The following FBXL18 variants were observed in gnomAD, a reference collection of about 807,000 sequenced individuals.
FBXL18 encodes F-box/LRR-repeat protein 18.
A neutral mutation model predicts 46.0 loss-of-function variants in FBXL18; 36 were observed. The ratio of observed to expected loss-of-function variants is 0.78; its 90% CI spans 0.60 to 1.03. The LOEUF is 1.03. Among genes scored for constraint, FBXL18 ranks in the 50% least tolerant of loss-of-function variants. The pLI, the probability that FBXL18 is intolerant of heterozygous loss-of-function variation, is 0.00. For missense variants in FBXL18, 977 were observed against 1,004.1 expected, an observed-to-expected ratio of 0.97 and a Z score of 0.36; for synonymous variants, 557 against 465.3, an observed-to-expected ratio of 1.20 and a Z score of -2.54.
At chr7:5,498,966 C>T (rs1208826558) in intron 3 of FBXL18, among the ~76,000 whole-genome samples, 4 of 152,206 alleles carry the variant, frequency 2.6e-5, no homozygotes, top group Admixed American at 6.5e-5. Context: ...ATACTAGGAA[C>T]GGACAAGAAC....
intron 1 of FBXL18, among the ~76,000 whole-genome samples, chr7:5,509,815 C>G (rs1047721446): frequency 6.6e-6 from 1 of 151,836 alleles, no homozygotes; most frequent in Non-Finnish European, 1.5e-5. Context: ...CCAGACAAGA[C>G]GAGAAACTGG....
chr7:5,484,381 G>A (rs1321997551), intron 4 of FBXL18, among the ~76,000 whole-genome samples: 1 of 149,916 alleles, frequency 6.7e-6, no homozygotes, highest in East Asian at 2.0e-4. Flanking sequence ...TGCGGCAGGA[G>A]AATGGCATGA....
intron 1 of FBXL18, 146 bp downstream of exon 1, chr7:5,513,511 G>T: frequency 1.1e-6 from 1 of 918,508 alleles, no homozygotes; most frequent in Non-Finnish European, 1.8e-6. Flanking sequence ...GGGAGCAGGG[G>T]CAAGGCCAGG....
chr7:5,503,672 T>A (rs561946497), intron 2 of FBXL18, among the ~76,000 whole-genome samples: 1 of 151,828 alleles, frequency 6.6e-6, no homozygotes, highest in African/African-American at 2.4e-5. Flanking sequence ...AAAATTAAAT[T>A]AAAAAAATGC....
At chr7:5,467,784 TAGAG>T (rs1783364550) in intron 4 of FBXL18, among the ~76,000 whole-genome samples, 1 of 152,024 alleles carries the variant, frequency 6.6e-6, no homozygotes, top group African/African-American at 2.4e-5. Flanking sequence ...ATCCTAAAGA[TAGAG>T]AAACAGCAGC....
At chr7:5,464,747 T>G (rs1783317870) in intron 4 of FBXL18, among the ~76,000 whole-genome samples, 1 of 114,984 alleles carries the variant, frequency 8.7e-6, no homozygotes, top group Non-Finnish European at 1.8e-5. Flanking sequence ...TATATTCACA[T>G]TTGTTTGGAT....
At position 5,491,221 on chromosome 7, in the gene FBXL18, C is replaced by T. The variant is rs1417095371; in HGVS notation, c.2000+10G>A. The T allele has an allele frequency of 1.9e-6, 3 of 1,605,796 alleles. No homozygotes were observed. Among genetic ancestry groups the T allele is most frequent in the East Asian group, 2.2e-5 (1 of 44,504 alleles). ...GGCCCCTGAAGCTGTACGCAACCCA[C>T]ATCACTCACCTGCGGAGAAGCGACT... On this transcript the variant is annotated intron_variant, in intron 4 of 4. Transcript: ENST00000382368.
chr7:5,510,415 G>A (rs1363066241), intron 1 of FBXL18, among the ~76,000 whole-genome samples: 2 of 150,774 alleles, frequency 1.3e-5, no homozygotes, highest in Non-Finnish European at 3.0e-5. Context: ...CAGGCACGGT[G>A]GCTCACGCCT....
chr7:5,482,291 C>T (rs898545132), intron 4 of FBXL18, among the ~76,000 whole-genome samples: 2 of 152,170 alleles, frequency 1.3e-5, no homozygotes, highest in East Asian at 1.9e-4. Context: ...GTGGCAGATC[C>T]GAGGCCCCTG....
intron 1 of FBXL18, among the ~76,000 whole-genome samples, chr7:5,510,650 C>T (rs549527461): frequency 6.0e-5 from 9 of 149,512 alleles, no homozygotes; most frequent in African/African-American, 2.2e-4. Context: ...CGCGCCACTG[C>T]ACTCCAGCCT....
rs111737913 is a variant in FBXL18 at position 5,477,621 on chromosome 7, G to C, written c.*4154C>G. Among the ~76,000 whole-genome samples the C allele has an allele frequency of 9.4e-3, 1,423 of 151,914 alleles. 33 individuals are homozygous for C. The highest frequency in any genetic ancestry group is 0.033 in the African/African-American group (1,370 of 41,422). On this transcript the variant is annotated 3_prime_UTR_variant, in exon 5 of 5. Coordinates refer to ENST00000382368, the MANE Select transcript of FBXL18 (RefSeq NM_024963.6). This position sits in a 1 kb window ranked among gnomAD's most constrained non-coding sequence, Gnocchi z 4.4. ...GGAGGCTGATGTGGGAGAATCGCTT[G>C]AACCTGTGAGGTGGAGGTTGTAGTG...
At chr7:5,492,589 G>A (rs2128235899) in intron 3 of FBXL18, among the ~76,000 whole-genome samples, 1 of 152,194 alleles carries the variant, frequency 6.6e-6, no homozygotes, top group East Asian at 1.9e-4. Context: ...GGACCTGAGG[G>A]TGTGGCCTTA....
chr7:5,495,980 C>G, intron 3 of FBXL18: 1 of 445,984 alleles, frequency 2.2e-6, no homozygotes, highest in South Asian at 1.6e-5. Context: ...ACAAAACCCA[C>G]AAAACCCACA....
In FBXL18 at chr7:5,477,414, T is replaced by C. The variant is rs1443734064; in HGVS notation, c.*4361A>G. ...TTCACACGTTTTCTTACAAGAGCTC[T>C]GTAATGCGCCAGGCACGGTGGCTCA... is the stretch of plus-strand genomic sequence containing the variant. On this transcript the variant is annotated 3_prime_UTR_variant, in exon 5 of 5. Transcript: ENST00000382368. This position sits in a 1 kb window ranked among gnomAD's most constrained non-coding sequence, Gnocchi z 4.4. Among the ~76,000 whole-genome samples the C allele has an allele frequency of 1.3e-5, 2 of 152,092 alleles. No individual in the cohort carries two copies. The highest frequency in any genetic ancestry group is 1.3e-4 in the Admixed American group (2 of 15,250).
chr7:5,472,921 C>G (rs1485606419), downstream of FBXL18, among the ~76,000 whole-genome samples: 2 of 152,160 alleles, frequency 1.3e-5, no homozygotes, highest in Non-Finnish European at 2.9e-5. Context: ...TCCTCTCCCC[C>G]GCTTGCCTGT....
chr7:5,496,400 C>G lies in FBXL18; in HGVS notation c.1781+4088G>C, dbSNP rs1462388712. Reference sequence around the variant, plus strand: ...GACAGCCTCTGCTCGGTCTCCCTTCCACATTCTTCTTCCTCTTCCTGGCCA... The same window carrying G: ...GACAGCCTCTGCTCGGTCTCCCTTCGACATTCTTCTTCCTCTTCCTGGCCA... On this transcript the variant is annotated intron_variant, in intron 3 of 4. Transcript: ENST00000382368. The surrounding 1 kb of genome is among the most constrained non-coding windows in gnomAD (Gnocchi z 4.8). Among the ~76,000 whole-genome samples the G allele has an allele frequency of 2.6e-5, 4 of 152,190 alleles. No homozygotes were observed. The highest frequency in any genetic ancestry group is 5.9e-5 in the Non-Finnish European group (4 of 68,032).
At chr7:5,490,230 C>T (rs1433429752) in intron 4 of FBXL18, 1 of 1,325,920 alleles carries the variant, frequency 7.5e-7, no homozygotes, top group Non-Finnish European at 1.0e-6. Context: ...GACACGAACA[C>T]TCAGGGCGTT....
chr7:5,506,287 C>CTA (rs1784393287), intron 1 of FBXL18, among the ~76,000 whole-genome samples: 1 of 140,694 alleles, frequency 7.1e-6, no homozygotes, highest in Admixed American at 7.4e-5. Context: ...CTTGCTTTGT[C>CTA]ACCCAGGGTG....
rs147841316 is a variant in FBXL18 at position 5,503,445 on chromosome 7, C to T, written c.238-1414G>A. On this transcript the variant is annotated intron_variant, in intron 2 of 4. Coordinates refer to ENST00000382368, the MANE Select transcript of FBXL18 (RefSeq NM_024963.6). ...ATAGCTTACTGCAGCCTTGATGTCC[C>T]GGGGTTCAAGAGATCCTCCCACCTC... Among the ~76,000 whole-genome samples the T allele has an allele frequency of 5.6e-3, 857 of 152,222 alleles. 9 individuals carry two copies. Among genetic ancestry groups the T allele is most frequent in the Non-Finnish European group, 6.7e-3 (453 of 68,014 alleles).
Sources: gnomAD v4.1 joint callset for allele counts (sites outside exome capture counted in the v4.1 genomes callset) on GRCh38, gnomAD v4.1.1 for gene constraint, Gnocchi (gnomAD v3.1) non-coding constraint, MANE v1.5 for transcripts, NCBI Gene and HGNC (gene_info 2026-07-23, HGNC 2026-07-21) for gene names.